Variants in TRIM14 observed in about 807,000 individuals in gnomAD.
The protein encoded by TRIM14 is tripartite motif-containing protein 14.
TRIM14 carries 28 observed loss-of-function variants against 44.5 expected under a neutral mutation model. The observed-to-expected ratio is 0.63, with a 90% CI of 0.47 to 0.86. The LOEUF (loss-of-function observed/expected upper bound fraction) is 0.86. Ranked by LOEUF, TRIM14 falls within the 40% of genes least tolerant of loss-of-function variation. The probability of loss-of-function intolerance (pLI) is 0.00; values close to 1 mark genes in which losing one functional copy is unlikely to be tolerated. For synonymous variants in TRIM14, 299 were observed against 269.2 expected, an observed-to-expected ratio of 1.11 and a Z score of -1.08; for missense variants, 607 against 611.1, an observed-to-expected ratio of 0.99 and a Z score of 0.07.
chr9:98,083,789 C>T (rs1233350835), downstream of TRIM14, among the ~76,000 whole-genome samples: 2 of 152,160 alleles, frequency 1.3e-5, no homozygotes, highest in African/African-American at 2.4e-5. Flanking sequence ...GTGAGCCAGG[C>T]GTGCTTGTGT....
At chr9:98,097,404 CT>C (rs1242555981) in intron 3 of TRIM14, among the ~76,000 whole-genome samples, 1 of 152,152 alleles carries the variant, frequency 6.6e-6, no homozygotes, top group African/African-American at 2.4e-5. Flanking sequence ...TACACAGTTC[CT>C]GTCTGTCCTC....
intron 2 of TRIM14, among the ~76,000 whole-genome samples, chr9:98,108,080 C>A (rs538046335): frequency 6.1e-5 from 9 of 146,644 alleles, no homozygotes; most frequent in African/African-American, 2.2e-4. Flanking sequence ...CACATACCAT[C>A]CTTTTTTTTT....
the TRIM14 span, among the ~76,000 whole-genome samples, chr9:98,042,186 G>C: frequency 2.0e-5 from 3 of 151,032 alleles, no homozygotes; most frequent in Non-Finnish European, 2.9e-5. Flanking sequence ...CCAGCTACTC[G>C]GGAGGCTGAG....
the TRIM14 span, among the ~76,000 whole-genome samples, chr9:98,036,766 T>C: frequency 1.3e-5 from 2 of 151,992 alleles, no homozygotes; most frequent in East Asian, 3.9e-4. Context: ...ATCGCACCAT[T>C]GCATTCCAGC....
At chr9:98,048,769 A>G in the TRIM14 span, among the ~76,000 whole-genome samples, 1 of 152,198 alleles carries the variant, frequency 6.6e-6, no homozygotes, top group African/African-American at 2.4e-5. Context: ...CATGCCTATA[A>G]TCTCAGCAAT....
rs981028811 is a variant in TRIM14, at chr9:98,119,053, G to A, written c.136C>T (p.Leu46Phe). 1 of 1,580,266 alleles carries A rather than the reference G, an allele frequency of 6.3e-7. No homozygotes were observed. The highest frequency in any genetic ancestry group is 8.5e-7 in the Non-Finnish European group (1 of 1,172,962). The change falls in exon 1 of 6, where the codon CTT becomes TTT. Residue 46 changes from leucine to phenylalanine, a missense_variant. Coordinates refer to ENST00000341469, the MANE Select transcript of TRIM14 (RefSeq NM_014788.4). Reference protein sequence around the residue: ...CRRCRRCVCALCPVLGAHRGH... With the variant: ...CRRCRRCVCAFCPVLGAHRGH... ...CGGTGCGCGCCCAGCACCGGGCAAA[G>A]CGCGCACACGCAGCGGCGGCAGCGG...
intron 5 of TRIM14, 106 bp from the exon 6 acceptor site, chr9:98,088,111 G>A (rs1825864381): frequency 3.1e-6 from 4 of 1,275,300 alleles, no homozygotes; most frequent in Non-Finnish European, 4.1e-6. Context: ...GCGAAGCGCG[G>A]AAATGGCCCA....
chr9:98,092,711 A>C (rs1826042511), intron 4 of TRIM14, among the ~76,000 whole-genome samples: 1 of 152,244 alleles, frequency 6.6e-6, no homozygotes. Context: ...TGTGCCAATC[A>C]CCAAGTTTTG....
chr9:98,104,043 G>A (rs2118527095), intron 2 of TRIM14, among the ~76,000 whole-genome samples: 1 of 152,194 alleles, frequency 6.6e-6, no homozygotes, highest in East Asian at 1.9e-4. Context: ...CCTATCCAAT[G>A]CTCCAGGCAG....
intron 6 of TRIM14, chr9:98,076,787 T>C: frequency 4.4e-6 from 3 of 676,126 alleles, no homozygotes; most frequent in Non-Finnish European, 7.6e-6. Context: ...CTTTGCCTGC[T>C]TTCAAGTTGC....
intron 1 of TRIM14, among the ~76,000 whole-genome samples, chr9:98,114,465 C>T (rs1340099225): frequency 6.6e-6 from 1 of 152,130 alleles, no homozygotes; most frequent in Non-Finnish European, 1.5e-5. Flanking sequence ...TCCCAAGTAG[C>T]TGGGACTACA....
intron 1 of TRIM14, among the ~76,000 whole-genome samples, chr9:98,111,375 C>T (rs1826847927): frequency 1.3e-5 from 2 of 151,884 alleles, no homozygotes; most frequent in South Asian, 4.2e-4. Context: ...GAGTTTGAGA[C>T]CAGCCTGAGC....
chr9:98,048,475 G>T, the TRIM14 span, among the ~76,000 whole-genome samples: 1 of 152,130 alleles, frequency 6.6e-6, no homozygotes, highest in Non-Finnish European at 1.5e-5. Flanking sequence ...TGTTGTGCGT[G>T]TGATGTTTAT....
intron 3 of TRIM14, among the ~76,000 whole-genome samples, chr9:98,098,808 CAG>C (rs1179725779): frequency 6.6e-6 from 1 of 152,032 alleles, no homozygotes; most frequent in Non-Finnish European, 1.5e-5. Context: ...TTTTTTGAGA[CAG>C]AGTCTCACTC....
intron 2 of TRIM14, among the ~76,000 whole-genome samples, chr9:98,108,397 AT>A (rs750315444): frequency 8.8e-4 from 132 of 149,770 alleles, no homozygotes; most frequent in South Asian, 2.5e-3. Context: ...TTTTTTGGAT[AT>A]TTTTTTTTTC....
At chr9:98,074,001 G>A (rs773302319) in intron 6 of TRIM14, among the ~76,000 whole-genome samples, 35 of 151,768 alleles carry the variant, frequency 2.3e-4, no homozygotes, top group Non-Finnish European at 3.5e-4. Flanking sequence ...GCCTAGGCTG[G>A]TGTCAAACTC....
chr9:98,046,417 T>C, the TRIM14 span, among the ~76,000 whole-genome samples: 2 of 152,102 alleles, frequency 1.3e-5, no homozygotes, highest in Non-Finnish European at 2.9e-5. Flanking sequence ...GGATGTCTGT[T>C]GATATGCAGA....
chr9:98,091,384 G>A (rs1419857009), intron 5 of TRIM14, among the ~76,000 whole-genome samples: 2 of 152,140 alleles, frequency 1.3e-5, no homozygotes, highest in African/African-American at 4.8e-5. Context: ...TTGTGCCCAA[G>A]AGGTCGAGGC....
downstream of TRIM14, chr9:98,082,886 G>T (rs1306648122): frequency 6.2e-7 from 1 of 1,614,028 alleles, no homozygotes; most frequent in Non-Finnish European, 8.5e-7. Context: ...ATTCCGGAAG[G>T]CACCATTCTA....
Sources: gnomAD v4.1 joint callset for allele counts (sites outside exome capture counted in the v4.1 genomes callset) on GRCh38, gnomAD v4.1.1 for gene constraint, MANE v1.5 for transcripts, NCBI Gene and HGNC (gene_info 2026-07-23, HGNC 2026-07-21) for gene names.